The following NMD3 variants were observed in gnomAD, a reference collection of about 807,000 sequenced individuals.
NMD3 encodes the protein NMD3 ribosome export adaptor.
NMD3 carries 47 observed loss-of-function variants against 73.1 expected under a neutral mutation model. The observed-to-expected ratio is 0.64, with a 90% CI of 0.51 to 0.82. NMD3 has a LOEUF of 0.82. Among genes scored for constraint, NMD3 ranks in the 40% least tolerant of loss-of-function variants. NMD3 has a pLI of 0.00. For missense variants in NMD3, 554 were observed against 612.5 expected (o/e 0.90, Z 1.01); for synonymous variants, 210 against 194.5 (o/e 1.08, Z -0.66).
Position 161,243,192 on chromosome 3 carries a change from A to G in NMD3, c.1017+539A>G, listed in dbSNP as rs560748366. On this transcript the variant is annotated intron_variant, in intron 11 of 15. Transcript: ENST00000351193. ...AACTCTATGTGTATTGTTTTTTCCT[A>G]TACATACATACCTATGATAGAGTTT... is the stretch of plus-strand genomic sequence containing the variant. 2.6e-5 allele frequency among the ~76,000 whole-genome samples: 4 copies of G among 152,282 alleles called. No homozygotes were observed. In the South Asian group the frequency reaches 8.3e-4, roughly 32 times the overall value.
Position 161,251,064 on chromosome 3 carries a change from T to C in NMD3, c.*154T>C. On this transcript the variant is annotated 3_prime_UTR_variant, in exon 16 of 16. Coordinates refer to ENST00000351193, the MANE Select transcript of NMD3 (RefSeq NM_015938.5). ...TGTTTTCAGTGCTCACTCAAACCAC[T>C]AAAACAGATGGATAGCTTTGAGGTT... The C allele has an allele frequency of 1.8e-6, 1 of 555,542 alleles. No homozygotes were observed. Among genetic ancestry groups the C allele is most frequent in the Non-Finnish European group, 3.2e-6 (1 of 313,304 alleles). The allele number at this position is 555,542 out of a possible 1,614,324, so 34.4% of individuals were successfully genotyped here. A position where few individuals can be genotyped will look rare whatever the true frequency, so the allele number is the denominator to read the frequency against.
intron 14 of NMD3, 78 bp downstream of exon 14, chr3:161,249,638 T>A (rs752662714): frequency 1.1e-6 from 1 of 880,260 alleles, no homozygotes; most frequent in Non-Finnish European, 1.9e-6. Flanking sequence ...TGTAAAGAAA[T>A]AGGCATCACA....
rs1445640711 is a variant in NMD3 at position 161,227,326 on chromosome 3, A to G, written c.259A>G (p.Lys87Glu). The change falls in exon 4 of 16, where the codon AAA becomes GAA. Residue 87 changes from lysine (K) to glutamate (E), a missense_variant. By Grantham distance (56) the Lys-to-Glu change is moderately conservative (BLOSUM62 1). Coordinates refer to ENST00000351193, the MANE Select transcript of NMD3 (RefSeq NM_015938.5). Reference sequence around the variant, plus strand: ...TCTTGCTTTGTGCTTGAAAAAAATCAAAGCCCCTCTGAGTAAGGTAAGTTA... The same window carrying G: ...TCTTGCTTTGTGCTTGAAAAAAATCGAAGCCCCTCTGAGTAAGGTAAGTTA... ...ELLALCLKKI[K>E]APLSKVRLVD... The G allele has an allele frequency of 6.2e-7, 1 of 1,610,102 alleles. No homozygotes were observed. Among genetic ancestry groups the G allele is most frequent in the Admixed American group, 1.7e-5 (1 of 59,940 alleles).
Position 161,246,368 on chromosome 3 carries a change from A to C in NMD3, c.1050A>C (p.Thr350=), listed in dbSNP as rs750135708. ...HTLGEVWVQK[T]SEMNTDKQYF... ...TCGGGGAAGTCTGGGTACAGAAGACATCTGAAATGAATACAGATAAACAGT... is the reference window on the plus strand; with the variant it reads ...TCGGGGAAGTCTGGGTACAGAAGACCTCTGAAATGAATACAGATAAACAGT... Residue 350 remains threonine (T), a synonymous_variant, in exon 12 of 16, where the codon ACA becomes ACC. Coordinates refer to ENST00000351193, the MANE Select transcript of NMD3 (RefSeq NM_015938.5). The C allele has an allele frequency of 6.6e-7, 1 of 1,505,514 alleles. No homozygotes were observed. 93.3% of individuals were successfully genotyped at this position (1,505,514 alleles called of 1,614,324 possible). A position where few individuals can be genotyped will look rare whatever the true frequency, so the allele number is the denominator to read the frequency against.
chr3:161,244,480 A>T (rs1737114422), intron 11 of NMD3, among the ~76,000 whole-genome samples: 1 of 152,152 alleles, frequency 6.6e-6, no homozygotes, highest in Middle Eastern at 3.2e-3. Flanking sequence ...TAAAGAGTTG[A>T]TCTAGGAATC....
At chr3:161,242,788 T>TA in intron 11 of NMD3, 135 bp downstream of exon 11, 1 of 662,192 alleles carries the variant, frequency 1.5e-6, no homozygotes, top group Non-Finnish European at 2.3e-6. Flanking sequence ...GGAAAAAAAT[T>TA]CTTTTTTTTT....
At chr3:161,250,625 T>C (rs1440365845) in intron 15 of NMD3, among the ~76,000 whole-genome samples, 155 bp from the exon 16 acceptor site, 1 of 152,218 alleles carries the variant, frequency 6.6e-6, no homozygotes, top group Non-Finnish European at 1.5e-5. Context: ...GTGAATGTAA[T>C]TTGAATGACT....
intron 7 of NMD3, 137 bp downstream of exon 7, chr3:161,235,349 A>G (rs902483636): frequency 1.3e-5 from 6 of 464,608 alleles, no homozygotes; most frequent in African/African-American, 1.0e-4. Flanking sequence ...AAAAAAAACA[A>G]CTTAATTCTT....
rs1003676884 is a variant in NMD3, at chr3:161,252,207, A to G, written c.*1297A>G. The G allele has an allele frequency of 1.3e-5, 2 of 152,190 alleles. No individual in the cohort carries two copies. Among genetic ancestry groups the G allele is most frequent in the African/African-American group, 4.8e-5 (2 of 41,444 alleles). 9.4% of individuals were successfully genotyped at this position (152,190 alleles called of 1,614,324 possible). ...TAGTTCTTCAAAGGTAAGATTGACC[A>G]AAGCAAGTTCTCATTGGTGGTCTGT... On this transcript the variant is annotated 3_prime_UTR_variant, in exon 16 of 16. Coordinates refer to ENST00000351193, the MANE Select transcript of NMD3 (RefSeq NM_015938.5).
At chr3:161,242,717 TC>T in intron 11 of NMD3, 64 bp downstream of exon 11, 1 of 1,497,498 alleles carries the variant, frequency 6.7e-7, no homozygotes, top group Non-Finnish European at 9.0e-7. Flanking sequence ...TTTCAGTCCC[TC>T]TTTTAAAAAA....
chr3:161,250,908 T>A lies in NMD3; in HGVS notation c.1510T>A (p.Ter504LysextTer1), dbSNP rs150332202. ...TGAAGAAGGTGCATCAATGCTGACATAATGAGATGTTGTAGACTGTTTCCA... is the reference window on the plus strand; with the variant it reads ...TGAAGAAGGTGCATCAATGCTGACAAAATGAGATGTTGTAGACTGTTTCCA... ...TGEEGASMLT[*>K] Residue 504 changes from the stop codon to lysine, a stop_lost, in exon 16 of 16, where the codon TAA (stop) becomes AAA (lysine). Coordinates refer to ENST00000351193, the MANE Select transcript of NMD3 (RefSeq NM_015938.5). 2 of 1,611,068 alleles carry A rather than the reference T, an allele frequency of 1.2e-6. No individual in the cohort carries two copies. The highest frequency in any genetic ancestry group is 8.5e-7 in the Non-Finnish European group (1 of 1,178,176).
At chr3:161,239,591 G>A (rs963805306) in intron 9 of NMD3, among the ~76,000 whole-genome samples, 7 of 152,162 alleles carry the variant, frequency 4.6e-5, no homozygotes, top group African/African-American at 1.7e-4. Flanking sequence ...TTTTGACGAT[G>A]AGGAAATTGA....
intron 11 of NMD3, among the ~76,000 whole-genome samples, chr3:161,245,955 G>A (rs1455473435): frequency 6.6e-6 from 1 of 152,024 alleles, no homozygotes; most frequent in Non-Finnish European, 1.5e-5. Context: ...CTTGGAATAC[G>A]TTCTTGCTTT....
intron 6 of NMD3, 53 bp from the exon 7 acceptor site, chr3:161,235,069 C>A: frequency 1.0e-6 from 1 of 971,608 alleles, no homozygotes; most frequent in Non-Finnish European, 1.6e-6. Flanking sequence ...TGTCCTATAC[C>A]TATAAATGGC....
Position 161,221,975 on chromosome 3 carries a change from TTTTTTTTTTTTTTA to T in NMD3, c.-20-18_-20-5del, listed in dbSNP as rs745755736. The T allele has an allele frequency of 4.9e-3, 2,899 of 591,290 alleles. 15 individuals are homozygous for T. The highest frequency in any genetic ancestry group is 4.8e-3 in the Non-Finnish European group (2,185 of 453,736). The allele number at this position is 591,290 out of a possible 1,614,324, so 36.6% of individuals were successfully genotyped here. A position where few individuals can be genotyped will look rare whatever the true frequency, so the allele number is the denominator to read the frequency against. ...AACATTCTCTTTTTTTTTTTTTTTT[TTTTTTTTTTTTTTA>T]AAAGAACTTAAGGCATACAGAACGA... On this transcript the variant is annotated splice_region_variant and splice_polypyrimidine_tract_variant and intron_variant, in intron 1 of 15. Coordinates refer to ENST00000351193, the MANE Select transcript of NMD3 (RefSeq NM_015938.5).
At chr3:161,234,683 T>C (rs760437165) in intron 5 of NMD3, 44 bp from the exon 6 acceptor site, 11 of 1,530,340 alleles carry the variant, frequency 7.2e-6, no homozygotes, top group African/African-American at 6.9e-5. Flanking sequence ...ATATTTGTTA[T>C]TAAACAAAAC....
intron 4 of NMD3, among the ~76,000 whole-genome samples, chr3:161,231,855 G>C (rs973971545): frequency 6.6e-6 from 1 of 152,154 alleles, no homozygotes; most frequent in African/African-American, 2.4e-5. Context: ...CACAGTAGAA[G>C]GGTTTTAGGA....
chr3:161,252,934 A>C (rs1438074372), downstream of NMD3: 6 of 536,526 alleles, frequency 1.1e-5, no homozygotes, highest in Non-Finnish European at 3.4e-6. Context: ...CCCTGTCTCT[A>C]CTAAAAATGC....
At chr3:161,235,839 A>G (rs1736734940) in intron 7 of NMD3, among the ~76,000 whole-genome samples, 1 of 152,118 alleles carries the variant, frequency 6.6e-6, no homozygotes, top group African/African-American at 2.4e-5. Flanking sequence ...AATAAATCTC[A>G]TCCGTAACTG....
Sources: gnomAD v4.1 joint callset for allele counts (sites outside exome capture counted in the v4.1 genomes callset) on GRCh38, gnomAD v4.1.1 for gene constraint, MANE v1.5 for transcripts, NCBI Gene and HGNC (gene_info 2026-07-23, HGNC 2026-07-21) for gene names.